SRP54: variants seen among roughly 807,000 people sequenced by gnomAD.
The protein encoded by SRP54 is signal recognition particle 54.
SRP54 carries 10 observed loss-of-function variants against 64.8 expected under a neutral mutation model. The observed-to-expected ratio is 0.15, with a 90% CI of 0.10 to 0.26. The LOEUF (loss-of-function observed/expected upper bound fraction) is 0.26, where lower values mean the gene tolerates loss of function less well. Among genes scored for constraint, SRP54 ranks in the 10% least tolerant of loss-of-function variants. The pLI, the probability that SRP54 is intolerant of heterozygous loss-of-function variation, is 1.00. For synonymous variants in SRP54, 193 were observed against 185.6 expected, an observed-to-expected ratio of 1.04 and a Z score of -0.32; for missense variants, 325 against 613.7, an observed-to-expected ratio of 0.53 and a Z score of 4.97.
chr14:35,013,546 A>T (rs1452824932), intron 9 of SRP54, 52 bp downstream of exon 9: 1 of 1,538,510 alleles, frequency 6.5e-7, no homozygotes, highest in African/African-American at 1.4e-5. Flanking sequence ...ATGGGGAAGG[A>T]TATGTGTTTA....
At chr14:34,996,480 A>C (rs2044074872) in intron 1 of SRP54, among the ~76,000 whole-genome samples, 197 bp from the exon 2 acceptor site, 1 of 152,228 alleles carries the variant, frequency 6.6e-6, no homozygotes, top group South Asian at 2.1e-4. Context: ...CCAATTAAGT[A>C]TTCAAATATA....
rs748999587 is a variant in SRP54 at position 35,018,802 on chromosome 14, T to C, written c.1047+37T>C. 1.6e-5 allele frequency: 25 copies of C among 1,566,222 alleles called. No individual in the cohort carries two copies. In the Middle Eastern group the frequency reaches 6.8e-4, roughly 43 times the overall value. On this transcript the variant is annotated intron_variant, in intron 12 of 15. Coordinates refer to ENST00000216774, the MANE Select transcript of SRP54 (RefSeq NM_003136.4). The stretch of plus-strand genomic sequence containing the variant: ...TTAAAACTTTATACCTTCTTTTGTT[T>C]TCATTAAATTTTCTAAAATAGATAC...
In SRP54 at chr14:35,011,570, A is replaced by T; in HGVS notation, c.547A>T (p.Asn183Tyr). The part of the protein sequence containing the change: ...SEGVEKFKNE[N>Y]FEIIIVDTSG... ...AGGAGTAGAGAAATTTAAAAATGAA[A>T]ATTTTGAAATTATTATTGTTGATAC... The change falls in exon 8 of 16, where the codon AAT becomes TAT. Residue 183 changes from asparagine to tyrosine, a missense_variant. Asn to Tyr is a moderately radical substitution (Grantham distance 143). Around this residue, in one of 3 missense-constraint regions of SRP54, gnomAD observed 156 missense variants for 254.6 expected, o/e 0.61. Coordinates refer to ENST00000216774, the MANE Select transcript of SRP54 (RefSeq NM_003136.4). 1 of 1,586,056 alleles carries T rather than the reference A, an allele frequency of 6.3e-7. No individual in the cohort carries two copies. Among genetic ancestry groups the T allele is most frequent in the Non-Finnish European group, 8.6e-7 (1 of 1,162,296 alleles).
intron 2 of SRP54, among the ~76,000 whole-genome samples, chr14:34,997,877 A>T (rs780367381): frequency 6.6e-6 from 1 of 152,212 alleles, no homozygotes; most frequent in East Asian, 1.9e-4. Flanking sequence ...AATTCCAAAT[A>T]TATAAAACGA....
intron 14 of SRP54, among the ~76,000 whole-genome samples, chr14:35,026,942 CA>C (rs1595018853): frequency 6.6e-6 from 1 of 151,328 alleles, no homozygotes; most frequent in Non-Finnish European, 1.5e-5. Context: ...GACTCCATCT[CA>C]AAAACAAAAC....
chr14:35,008,883 G>GTT, intron 7 of SRP54, 52 bp downstream of exon 7: 3 of 847,314 alleles, frequency 3.5e-6, no homozygotes, highest in South Asian at 2.1e-5. Context: ...TTGTCTGTCA[G>GTT]CTTTTTTTTT....
chr14:35,005,637 C>A (rs1004728246), intron 4 of SRP54, among the ~76,000 whole-genome samples: 3 of 152,070 alleles, frequency 2.0e-5, no homozygotes, highest in Admixed American at 2.0e-4. Flanking sequence ...CTCAATGAAT[C>A]CTCCTCCTTT....
chr14:34,988,597 C>CATATATAT (rs1207004558), intron 1 of SRP54, among the ~76,000 whole-genome samples: 2 of 77,924 alleles, frequency 2.6e-5, no homozygotes, highest in Admixed American at 1.3e-4. Flanking sequence ...ATATATATAA[C>CATATATAT]ATATATATAT....
chr14:35,000,891 C>A, intron 3 of SRP54, 45 bp from the exon 4 acceptor site: 1 of 1,080,330 alleles, frequency 9.3e-7, no homozygotes, highest in Non-Finnish European at 1.3e-6. Flanking sequence ...AGTTTCTTAA[C>A]TGATTTTCTC....
At chr14:34,989,878 G>A (rs557004312) in intron 1 of SRP54, among the ~76,000 whole-genome samples, 2 of 152,272 alleles carry the variant, frequency 1.3e-5, no homozygotes, top group East Asian at 3.9e-4. Flanking sequence ...CAGCCCTTCA[G>A]GGTAACTACC....
intron 1 of SRP54, among the ~76,000 whole-genome samples, chr14:34,994,151 G>A (rs1266689243): frequency 6.6e-6 from 1 of 151,744 alleles, no homozygotes; most frequent in African/African-American, 2.4e-5. Flanking sequence ...CTGCCACCAT[G>A]CCCAGCTAAT....
In SRP54 at chr14:35,007,281, A is replaced by G; in HGVS notation, c.256-2A>G. On this transcript the variant is annotated splice_acceptor_variant, in intron 4 of 15. Coordinates refer to ENST00000216774, the MANE Select transcript of SRP54 (RefSeq NM_003136.4). LOFTEE classifies it high-confidence loss of function. ...TATTTTTAATTTATTTTTGGTATTT[A>G]GCTTGTAGACCCTGGAGTTAAGGCA... 6.4e-7 allele frequency: 1 copy of G among 1,558,928 alleles called. No homozygotes were observed. Among genetic ancestry groups the G allele is most frequent in the Non-Finnish European group, 8.7e-7 (1 of 1,143,878 alleles).
Position 34,987,286 on chromosome 14 carries a change from T to TAC in SRP54, c.-34+4087_-34+4088dup, listed in dbSNP as rs374149631. ...GTGTGTGTGTGTGTGTATATATATA[T>TAC]ACACACACACACACACATAATTCTT... On this transcript the variant is annotated intron_variant, in intron 1 of 15. Coordinates refer to ENST00000216774, the MANE Select transcript of SRP54 (RefSeq NM_003136.4). 7.8e-3 allele frequency among the ~76,000 whole-genome samples: 776 copies of TAC among 100,098 alleles called. 7 individuals carry two copies. The highest frequency in any genetic ancestry group is 0.023 in the African/African-American group (686 of 29,396). 65.7% of individuals were successfully genotyped at this position (100,098 alleles called of 152,430 possible). A position where few individuals can be genotyped will look rare whatever the true frequency, so the allele number is the denominator to read the frequency against.
Position 35,007,275 on chromosome 14 carries a change from G to A in SRP54, c.256-8G>A, listed in dbSNP as rs774024039. The stretch of plus-strand genomic sequence containing the variant: ...TGATTTTATTTTTAATTTATTTTTG[G>A]TATTTAGCTTGTAGACCCTGGAGTT... On this transcript the variant is annotated splice_region_variant and splice_polypyrimidine_tract_variant and intron_variant, in intron 4 of 15. Transcript: ENST00000216774. The A allele has an allele frequency of 3.9e-6, 6 of 1,536,450 alleles. No homozygotes were observed. Among genetic ancestry groups the A allele is most frequent in the East Asian group, 4.6e-5 (2 of 43,712 alleles).
At chr14:34,989,478 AAAG>A (rs1349626235) in intron 1 of SRP54, among the ~76,000 whole-genome samples, 2 of 152,220 alleles carry the variant, frequency 1.3e-5, no homozygotes, top group African/African-American at 2.4e-5. Flanking sequence ...TCAAAAAAAA[AAAG>A]AACTTTTTTG....
intron 2 of SRP54, among the ~76,000 whole-genome samples, chr14:34,997,974 G>A (rs1028315250): frequency 6.6e-6 from 1 of 152,080 alleles, no homozygotes; most frequent in South Asian, 2.1e-4. Context: ...AGGAGTTCTT[G>A]GTGGGAGGTA....
intron 1 of SRP54, among the ~76,000 whole-genome samples, chr14:34,984,400 A>G (rs929238059): frequency 6.6e-6 from 1 of 152,200 alleles, no homozygotes; most frequent in African/African-American, 2.4e-5. Flanking sequence ...AGTCATTGCT[A>G]TAACCCAAAT....
Position 35,008,657 on chromosome 14 carries a change from A to G in SRP54, c.391A>G (p.Lys131Glu). Residue 131 changes from lysine to glutamate, a missense_variant, in exon 6 of 16, where the codon AAG (lysine) becomes GAG (glutamate). By Grantham distance (56) the Lys-to-Glu change is moderately conservative. Transcript: ENST00000216774. ...ATATTATTACCAGAGGAAAGGTTGG[A>G]AGACCTGTTTAATATGTGCAGACAC... ...LAYYYQRKGW[K>E]TCLICADTFR... The G allele has an allele frequency of 3.8e-6, 6 of 1,594,082 alleles. No individual in the cohort carries two copies. The highest frequency in any genetic ancestry group is 3.4e-6 in the Non-Finnish European group (4 of 1,170,458).
At chr14:34,999,013 G>GTTT (rs67731589) in intron 2 of SRP54, among the ~76,000 whole-genome samples, 1 of 39,576 alleles carries the variant, frequency 2.5e-5, no homozygotes, top group African/African-American at 7.8e-5. Flanking sequence ...GTGTGTGTGT[G>GTTT]GTTTTTTTTT....
Sources: gnomAD v4.1 joint callset for allele counts (sites outside exome capture counted in the v4.1 genomes callset) on GRCh38, gnomAD v4.1.1 for gene constraint, gnomAD v4.1.1 regional missense constraint, MANE v1.5 for transcripts, NCBI Gene and HGNC (gene_info 2026-07-23, HGNC 2026-07-21) for gene names.